CD58: variants seen among roughly 807,000 people sequenced by gnomAD.
CD58 encodes the protein lymphocyte function-associated antigen 3.
CD58 carries 14 observed loss-of-function variants against 27.6 expected under a neutral mutation model. That is an observed-to-expected ratio of 0.51 (90% CI 0.34 to 0.79). The LOEUF (loss-of-function observed/expected upper bound fraction) is 0.79. CD58 is among the 30% of genes least tolerant of loss of function. The pLI is 0.02. For missense variants in CD58, 268 were observed against 301.7 expected (o/e 0.89, Z 0.83); for synonymous variants, 117 against 103.8 (o/e 1.13, Z -0.77).
intron 3 of CD58, chr1:116,533,273 C>G (rs1557835339): frequency 8.1e-7 from 1 of 1,234,690 alleles, no homozygotes; most frequent in Non-Finnish European, 1.2e-6. Flanking sequence ...TGCCTGGACC[C>G]TTACGCTTCT....
At chr1:116,537,486 G>A (rs1362275392) in intron 2 of CD58, among the ~76,000 whole-genome samples, 2 of 152,216 alleles carry the variant, frequency 1.3e-5, no homozygotes, top group African/African-American at 4.8e-5. Flanking sequence ...GAGCTACACA[G>A]AGCCTTGTCG....
chr1:116,570,959 C>A lies in CD58; in HGVS notation c.14G>T (p.Ser5Ile). Residue 5 changes from serine to isoleucine, a missense_variant, in exon 1 of 6, where the codon AGC (serine) becomes ATC (isoleucine). Ser to Ile is a moderately radical substitution (Grantham distance 142, BLOSUM62 -2). Coordinates refer to ENST00000369489, the MANE Select transcript of CD58 (RefSeq NM_001779.3). The surrounding 1 kb of genome is among the most constrained non-coding windows in gnomAD (Gnocchi z 6.4). Reference protein sequence around the residue: MVAGSDAGRALGVLS... With the variant: MVAGIDAGRALGVLS... ...GACCCCCAGGGCCCGCCCCGCGTCG[C>A]TCCCAGCAACCATGGCTCGTCGGGC... The A allele has an allele frequency of 6.4e-7, 1 of 1,561,682 alleles. No homozygotes were observed. Among genetic ancestry groups the A allele is most frequent in the Non-Finnish European group, 8.6e-7 (1 of 1,160,410 alleles).
chr1:116,516,387 C>T lies in CD58; in HGVS notation c.744-1565G>A, dbSNP rs1377208269. Among the ~76,000 whole-genome samples the T allele has an allele frequency of 1.3e-5, 2 of 152,298 alleles. No individual in the cohort carries two copies. Among genetic ancestry groups the T allele is most frequent in the Non-Finnish European group, 2.9e-5 (2 of 68,028 alleles). On this transcript the variant is annotated intron_variant, in intron 5 of 5. Transcript: ENST00000369489. This position sits in a 1 kb window ranked among gnomAD's most constrained non-coding sequence, Gnocchi z 6.1. ...AATACTCAGGTCTCTCCCTAGAATG[C>T]CACCTTAGAGAGGTCAGTGTTACCT...
chr1:116,566,306 T>C (rs1218566247), intron 1 of CD58, among the ~76,000 whole-genome samples: 1 of 152,192 alleles, frequency 6.6e-6, no homozygotes, highest in Non-Finnish European at 1.5e-5. Flanking sequence ...GAGTTCTCAC[T>C]GTGGGAGTAA....
chr1:116,570,661 C>T lies in CD58; in HGVS notation c.70+242G>A, dbSNP rs1009683909. 7.9e-5 allele frequency among the ~76,000 whole-genome samples: 12 copies of T among 152,090 alleles called. No individual in the cohort carries two copies. Among genetic ancestry groups the T allele is most frequent in the Non-Finnish European group, 1.8e-4 (12 of 67,980 alleles). The stretch of plus-strand genomic sequence containing the variant: ...GGCCCCGCAGGAGAGGCTAGCGGGC[C>T]GGAGCCCGTCCTTCCCTAAGGCCAC... On this transcript the variant is annotated intron_variant, in intron 1 of 5. Coordinates refer to ENST00000369489, the MANE Select transcript of CD58 (RefSeq NM_001779.3). This position sits in a 1 kb window ranked among gnomAD's most constrained non-coding sequence, Gnocchi z 6.4.
Position 116,536,035 on chromosome 1 carries a change from CT to C in CD58, c.557del (p.Gln186ArgfsTer17). On this transcript the variant is annotated frameshift_variant, in exon 3 of 6. Coordinates refer to ENST00000369489, the MANE Select transcript of CD58 (RefSeq NM_001779.3). LOFTEE classifies it high-confidence loss of function. The surrounding 1 kb of genome is among the most constrained non-coding windows in gnomAD (Gnocchi z 5.4). ...KMENDLPQKIQCTLSNPLFNT... is the reference protein window; with the variant it reads ...KMENDLPQKIXCTLSNPLFNT... ...TAAATAATGGATTGCTAAGAGTACACTGTATTTTTTGTGGAAGATCATTTTC... is the reference window on the plus strand; with the variant it reads ...TAAATAATGGATTGCTAAGAGTACACGTATTTTTTGTGGAAGATCATTTTC... 1 of 1,612,646 alleles carries C rather than the reference CT, an allele frequency of 6.2e-7. No homozygotes were observed. Among genetic ancestry groups the C allele is most frequent in the Non-Finnish European group, 8.5e-7 (1 of 1,178,994 alleles).
Position 116,536,253 on chromosome 1 carries a change from G to T in CD58, c.365-25C>A. The T allele has an allele frequency of 6.4e-7, 1 of 1,557,390 alleles. No homozygotes were observed. The highest frequency in any genetic ancestry group is 8.7e-7 in the Non-Finnish European group (1 of 1,143,492). Reference sequence around the variant, plus strand: ...TCTGGAAAAAAAAGTATAATATTTAGTACAGAAAATAGTAATATTTAGACT... The same window carrying T: ...TCTGGAAAAAAAAGTATAATATTTATTACAGAAAATAGTAATATTTAGACT... On this transcript the variant is annotated intron_variant, in intron 2 of 5. Transcript: ENST00000369489. The surrounding 1 kb of genome is among the most constrained non-coding windows in gnomAD (Gnocchi z 5.4).
rs889732163 is a variant in CD58, at chr1:116,557,488, T to G, written c.71-12884A>C. Among the ~76,000 whole-genome samples, 1 of 152,130 alleles carries G rather than the reference T, an allele frequency of 6.6e-6. No homozygotes were observed. The highest frequency in any genetic ancestry group is 2.4e-5 in the African/African-American group (1 of 41,410). ...GTTTAAGTAGATTTTACCAACTAAG[T>G]GTTATAGGATGCAGGGCACCACACC... On this transcript the variant is annotated intron_variant, in intron 1 of 5. Transcript: ENST00000369489. This position sits in a 1 kb window ranked among gnomAD's most constrained non-coding sequence, Gnocchi z 5.2.
rs929420811 is a variant in CD58, at chr1:116,523,366, TGGGAAAGGAA to T, written c.629-1393_629-1384del. ...ACTAAGAACAAATGTGACATGGATA[TGGGAAAGGAA>T]GGGAAAGGAAGGGAGAGGAGGAAGA... On this transcript the variant is annotated intron_variant, in intron 3 of 5. Coordinates refer to ENST00000369489, the MANE Select transcript of CD58 (RefSeq NM_001779.3). The surrounding 1 kb of genome is among the most constrained non-coding windows in gnomAD (Gnocchi z 4.4). Among the ~76,000 whole-genome samples the T allele has an allele frequency of 2.6e-5, 4 of 151,458 alleles. No homozygotes were observed. The highest frequency in any genetic ancestry group is 7.3e-5 in the African/African-American group (3 of 41,140).
chr1:116,521,836 T>C lies in CD58; in HGVS notation c.706+70A>G. On this transcript the variant is annotated intron_variant, in intron 4 of 5. Coordinates refer to ENST00000369489, the MANE Select transcript of CD58 (RefSeq NM_001779.3). This position sits in a 1 kb window ranked among gnomAD's most constrained non-coding sequence, Gnocchi z 5.6. ...AAATTTCAAACTTTATTTTCATCCTTAAACTATTTTCTGACCTTTGGAAAA... is the reference window on the plus strand; with the variant it reads ...AAATTTCAAACTTTATTTTCATCCTCAAACTATTTTCTGACCTTTGGAAAA... 1.0e-6 allele frequency: 1 copy of C among 959,954 alleles called. No homozygotes were observed. Among genetic ancestry groups the C allele is most frequent in the Non-Finnish European group, 1.6e-6 (1 of 618,506 alleles). The allele number at this position is 959,954 out of a possible 1,614,324, so 59.5% of individuals were successfully genotyped here. A position where few individuals can be genotyped will look rare whatever the true frequency, so the allele number is the denominator to read the frequency against.
Position 116,521,987 on chromosome 1 carries a change from TAAAAA to T in CD58, c.629-9_629-5del. 6.6e-7 allele frequency: 1 copy of T among 1,513,742 alleles called. No individual in the cohort carries two copies. Among genetic ancestry groups the T allele is most frequent in the Non-Finnish European group, 9.1e-7 (1 of 1,101,678 alleles). 93.8% of individuals were successfully genotyped at this position (1,513,742 alleles called of 1,614,324 possible). A position where few individuals can be genotyped will look rare whatever the true frequency, so the allele number is the denominator to read the frequency against. On this transcript the variant is annotated splice_polypyrimidine_tract_variant and splice_region_variant and intron_variant, in intron 3 of 5. Coordinates refer to ENST00000369489, the MANE Select transcript of CD58 (RefSeq NM_001779.3). This position sits in a 1 kb window ranked among gnomAD's most constrained non-coding sequence, Gnocchi z 5.6. Reference sequence around the variant, plus strand: ...GCATATCTGTGTCTTGAATGACCTATAAAAAAGAAAAGAAAAGAAATTCAACTAGT... The same window carrying T: ...GCATATCTGTGTCTTGAATGACCTATAGAAAAGAAAAGAAATTCAACTAGT...
rs545912192 is a variant in CD58, at chr1:116,561,251, C to CA, written c.70+9651dup. Reference sequence around the variant, plus strand: ...TGAAAGATGCCCATCAAAATTAAAACAAAAAAACATAGCAACGAATACAAT... The same window carrying CA: ...TGAAAGATGCCCATCAAAATTAAAACAAAAAAAACATAGCAACGAATACAAT... On this transcript the variant is annotated intron_variant, in intron 1 of 5. Coordinates refer to ENST00000369489, the MANE Select transcript of CD58 (RefSeq NM_001779.3). 2.8e-4 allele frequency among the ~76,000 whole-genome samples: 42 copies of CA among 152,088 alleles called. 1 individual carries two copies. The South Asian group carries it at 8.1e-3, about 29-fold the overall frequency.
Position 116,528,675 on chromosome 1 carries a change from C to T in CD58, c.629-6692G>A, listed in dbSNP as rs570250008. Among the ~76,000 whole-genome samples, 10 of 152,292 alleles carry T rather than the reference C, an allele frequency of 6.6e-5. No individual in the cohort carries two copies. The highest frequency in any genetic ancestry group is 2.4e-4 in the African/African-American group (10 of 41,560). ...GGTGTTACAATCATCCTACTTCTTC[C>T]CAGCAGTTATCTAAAAGAGAATGGT... On this transcript the variant is annotated intron_variant, in intron 3 of 5. Transcript: ENST00000369489. This position sits in a 1 kb window ranked among gnomAD's most constrained non-coding sequence, Gnocchi z 4.4.
chr1:116,556,774 G>A (rs1658582749), intron 1 of CD58, among the ~76,000 whole-genome samples: 1 of 152,218 alleles, frequency 6.6e-6, no homozygotes, highest in Non-Finnish European at 1.5e-5. Flanking sequence ...TCCACCCACA[G>A]AGGAGATACC....
rs537219939 is a variant in CD58, at chr1:116,557,393, A to G, written c.71-12789T>C. Among the ~76,000 whole-genome samples the G allele has an allele frequency of 1.3e-5, 2 of 152,166 alleles. No individual in the cohort carries two copies. The highest frequency in any genetic ancestry group is 4.1e-4 in the South Asian group (2 of 4,828). On this transcript the variant is annotated intron_variant, in intron 1 of 5. Transcript: ENST00000369489. The surrounding 1 kb of genome is among the most constrained non-coding windows in gnomAD (Gnocchi z 5.2). The stretch of plus-strand genomic sequence containing the variant: ...CCACTTTCTGCCTCATCACCAAAGC[A>G]AGATGGGAGGACCTGCGGGCTCCAC...
Position 116,563,227 on chromosome 1 carries a change from G to A in CD58, c.70+7676C>T, listed in dbSNP as rs764739489. 6.6e-5 allele frequency among the ~76,000 whole-genome samples: 10 copies of A among 152,190 alleles called. No homozygotes were observed. Among genetic ancestry groups the A allele is most frequent in the African/African-American group, 1.7e-4 (7 of 41,454 alleles). On this transcript the variant is annotated intron_variant, in intron 1 of 5. Coordinates refer to ENST00000369489, the MANE Select transcript of CD58 (RefSeq NM_001779.3). The surrounding 1 kb of genome is among the most constrained non-coding windows in gnomAD (Gnocchi z 4.1). ...ACTCCATGCCTCACATCCAGGTGACGCAAGAGATGGGCTCCCACAACCTTG... is the reference window on the plus strand; with the variant it reads ...ACTCCATGCCTCACATCCAGGTGACACAAGAGATGGGCTCCCACAACCTTG...
rs1317377256 is a variant in CD58 at position 116,559,847 on chromosome 1, C to G, written c.70+11056G>C. ...TATTTCTTCTTTCTCAAGATGTTTCCCTTTAGACCTATGCAATCCATCAAA... is the reference window on the plus strand; with the variant it reads ...TATTTCTTCTTTCTCAAGATGTTTCGCTTTAGACCTATGCAATCCATCAAA... On this transcript the variant is annotated intron_variant, in intron 1 of 5. Transcript: ENST00000369489. The surrounding 1 kb of genome is among the most constrained non-coding windows in gnomAD (Gnocchi z 4.4). 6.6e-6 allele frequency among the ~76,000 whole-genome samples: 1 copy of G among 152,076 alleles called. No individual in the cohort carries two copies. The highest frequency in any genetic ancestry group is 1.5e-5 in the Non-Finnish European group (1 of 68,014).
At chr1:116,566,194 G>A (rs1557845947) in intron 1 of CD58, among the ~76,000 whole-genome samples, 1 of 152,192 alleles carries the variant, frequency 6.6e-6, no homozygotes, top group Non-Finnish European at 1.5e-5. Flanking sequence ...ATCTTTAACT[G>A]TATTTAGTAA....
intron 1 of CD58, among the ~76,000 whole-genome samples, chr1:116,555,216 C>A (rs1324583448): frequency 1.3e-5 from 2 of 151,986 alleles, no homozygotes; most frequent in Admixed American, 1.3e-4. Context: ...GGTGAACTCC[C>A]AAAGGCCTCC....
Sources: allele counts gnomAD v4.1 joint callset (sites outside exome capture counted in the v4.1 genomes callset), GRCh38; gene constraint gnomAD v4.1.1; non-coding constraint Gnocchi (gnomAD v3.1); transcripts MANE v1.5; gene names NCBI Gene and HGNC (gene_info 2026-07-23, HGNC 2026-07-21).